The following PFKP variants were observed in gnomAD, a reference collection of about 807,000 sequenced individuals.
PFKP encodes the protein ATP-dependent 6-phosphofructokinase, platelet type.
A neutral mutation model predicts 94.3 loss-of-function variants in PFKP; 101 were observed. The ratio of observed to expected loss-of-function variants is 1.07; its 90% CI spans 0.91 to 1.26. PFKP has a LOEUF of 1.26. Ranked by LOEUF, PFKP falls within the 50% of genes most tolerant of loss-of-function variation. The pLI, the probability that PFKP is intolerant of heterozygous loss-of-function variation, is 0.00. For missense variants in PFKP, 1,145 were observed against 1,103.3 expected, an observed-to-expected ratio of 1.04 and a Z score of -0.53; for synonymous variants, 573 against 432.6, an observed-to-expected ratio of 1.32 and a Z score of -4.03.
chr10:3,080,850 A>T (rs1158018193), intron 1 of PFKP, among the ~76,000 whole-genome samples: 2 of 152,176 alleles, frequency 1.3e-5, no homozygotes, highest in African/African-American at 4.8e-5. Flanking sequence ...TGTTGGTTGT[A>T]TGGGCAGGAG....
Position 3,136,683 on chromosome 10 carries a change from C to T in PFKP, c.*104C>T, listed in dbSNP as rs1839411056. On this transcript the variant is annotated 3_prime_UTR_variant, in exon 22 of 22. Transcript: ENST00000381125. ...TATGCACGTATTATTGACATTAATA[C>T]CTAATCGGCGAGTGCCCATCTGCCC... is the stretch of plus-strand genomic sequence containing the variant. 6 of 1,294,616 alleles carry T rather than the reference C, an allele frequency of 4.6e-6. No individual in the cohort carries two copies. The highest frequency in any genetic ancestry group is 2.8e-5 in the South Asian group (2 of 71,914). The allele number at this position is 1,294,616 out of a possible 1,614,324, so 80.2% of individuals were successfully genotyped here.
rs370569634 is a variant in PFKP, at chr10:3,103,964, C to T, written c.620+20C>T. On this transcript the variant is annotated intron_variant, in intron 5 of 21. Coordinates refer to ENST00000381125, the MANE Select transcript of PFKP (RefSeq NM_002627.5). ...CCAGAGGTAAAGCGCTCAGAGGAACCGGCGGGAGGCCAGTGGGGCCCGACG... is the reference window on the plus strand; with the variant it reads ...CCAGAGGTAAAGCGCTCAGAGGAACTGGCGGGAGGCCAGTGGGGCCCGACG... The T allele has an allele frequency of 9.3e-5, 150 of 1,609,320 alleles. No homozygotes were observed. Among genetic ancestry groups the T allele is most frequent in the Middle Eastern group, 6.6e-4 (4 of 6,080 alleles).
Position 3,098,613 on chromosome 10 carries a change from C to T in PFKP, c.187-662C>T, listed in dbSNP as rs1183859113. Among the ~76,000 whole-genome samples the T allele has an allele frequency of 2.8e-5, 4 of 143,848 alleles. No homozygotes were observed. In the Admixed American group the frequency reaches 2.9e-4, roughly 11 times the overall value. The allele number at this position is 143,848 out of a possible 152,430, so 94.4% of individuals were successfully genotyped here. On this transcript the variant is annotated intron_variant, in intron 2 of 21. Transcript: ENST00000381125. ...TCACTTCAACCCGGGAGGCAGGTTG[C>T]AGTGAGCCGAGATCGCGCCACTGCA...
chr10:3,119,767 T>TTTC, intron 15 of PFKP, 125 bp from the exon 16 acceptor site: 1 of 545,324 alleles, frequency 1.8e-6, no homozygotes, highest in Non-Finnish European at 2.9e-6. Context: ...TCTCGGAGTG[T>TTTC]TTTCGTGATG....
At chr10:3,076,745 G>A (rs79634637) in intron 1 of PFKP, among the ~76,000 whole-genome samples, 5,901 of 152,244 alleles carry the variant, frequency 0.039, 178 homozygotes, top group South Asian at 0.062. Flanking sequence ...GGGCACCCGA[G>A]CTGGACAGTG....
chr10:3,095,152 A>G (rs1158431749), intron 2 of PFKP, among the ~76,000 whole-genome samples: 1 of 126,574 alleles, frequency 7.9e-6, no homozygotes. Flanking sequence ...GAAAAAGCCT[A>G]CTGCTGCAAC....
chr10:3,082,880 T>C (rs1430806186), intron 2 of PFKP, among the ~76,000 whole-genome samples: 1 of 151,988 alleles, frequency 6.6e-6, no homozygotes, highest in African/African-American at 2.4e-5. Flanking sequence ...CCCAGCTAAT[T>C]TTTTGTATTT....
At chr10:3,090,947 T>A (rs1373572177) in intron 2 of PFKP, among the ~76,000 whole-genome samples, 1 of 152,164 alleles carries the variant, frequency 6.6e-6, no homozygotes, top group African/African-American at 2.4e-5. Flanking sequence ...TTAAACAGGT[T>A]ACTATTAATT....
intron 4 of PFKP, among the ~76,000 whole-genome samples, chr10:3,102,237 C>A (rs1376808759): frequency 1.2e-3 from 91 of 77,120 alleles, no homozygotes; most frequent in African/African-American, 3.2e-3. Context: ...GGCGACAGAG[C>A]GAGACTCTGT....
intron 5 of PFKP, among the ~76,000 whole-genome samples, chr10:3,104,204 T>C (rs1292062032): frequency 2.0e-5 from 3 of 152,256 alleles, no homozygotes; most frequent in Non-Finnish European, 4.4e-5. Flanking sequence ...AATTATCCTC[T>C]AAATGTCCTA....
rs147250787 is a variant in PFKP, at chr10:3,082,588, G to T, written c.186+127G>T. 1,107 of 539,122 alleles carry T rather than the reference G, an allele frequency of 2.1e-3. 14 individuals are homozygous for T. Among genetic ancestry groups the T allele is most frequent in the African/African-American group, 0.018 (930 of 51,804 alleles). 33.4% of individuals were successfully genotyped at this position (539,122 alleles called of 1,614,324 possible). On this transcript the variant is annotated intron_variant, in intron 2 of 21. Coordinates refer to ENST00000381125, the MANE Select transcript of PFKP (RefSeq NM_002627.5). ...GCCGAAGAGGTGGGCAGGGGAGCAAGATCCTGCCAGCCAGGGCCGTTCCTC... is the reference window on the plus strand; with the variant it reads ...GCCGAAGAGGTGGGCAGGGGAGCAATATCCTGCCAGCCAGGGCCGTTCCTC...
At position 3,103,813 on chromosome 10, in the gene PFKP, C is replaced by A. The variant is rs1267466105; in HGVS notation, c.489C>A (p.Ala163=). The change falls in exon 5 of 22, where the codon GCC becomes GCA. Residue 163 remains alanine (A), a synonymous_variant. Transcript: ENST00000381125. ...QIDKEAVQKY[A]YLNVVGMVGS... ...ATAAGGAGGCCGTGCAGAAGTACGC[C>A]TACCTCAACGTGGTGGGCATGGTGG... 6 of 1,614,016 alleles carry A rather than the reference C, an allele frequency of 3.7e-6. No homozygotes were observed. In the East Asian group the frequency reaches 1.1e-4, roughly 30 times the overall value.
At chr10:3,120,166 C>T (rs1418264312) in intron 16 of PFKP, 122 bp downstream of exon 16, 21 of 793,434 alleles carry the variant, frequency 2.6e-5, no homozygotes, top group Non-Finnish European at 3.4e-5. Flanking sequence ...GAGAGCTTCT[C>T]GTTCTTTTTT....
chr10:3,069,848 AG>A (rs2131366137), intron 1 of PFKP, among the ~76,000 whole-genome samples: 1 of 152,396 alleles, frequency 6.6e-6, no homozygotes, highest in South Asian at 2.1e-4. Flanking sequence ...ATGTGAGATT[AG>A]GATACATTGG....
chr10:3,080,331 C>T (rs1302558420), intron 1 of PFKP, among the ~76,000 whole-genome samples: 5 of 152,066 alleles, frequency 3.3e-5, no homozygotes, highest in East Asian at 1.9e-4. Context: ...TCCTGGCTAA[C>T]ACGGTGAAAC....
In PFKP at chr10:3,136,549, G is replaced by A. The variant is rs1204431720; in HGVS notation, c.2325G>A (p.Gln775=). The part of the protein sequence containing the change: ...KASYDVSDSG[Q]LEHVQPWSV ...GCTATGACGTGTCGGACTCAGGCCA[G>A]CTGGAACATGTGCAGCCCTGGAGTG... Residue 775 remains glutamine, a synonymous_variant, in exon 22 of 22, where the codon CAG becomes CAA. Coordinates refer to ENST00000381125, the MANE Select transcript of PFKP (RefSeq NM_002627.5). The A allele has an allele frequency of 6.2e-7, 1 of 1,613,704 alleles. No homozygotes were observed. Among genetic ancestry groups the A allele is most frequent in the South Asian group, 1.1e-5 (1 of 91,008 alleles).
At chr10:3,134,798 T>C (rs1839035081) in intron 20 of PFKP, among the ~76,000 whole-genome samples, 4 of 152,282 alleles carry the variant, frequency 2.6e-5, no homozygotes, top group Admixed American at 2.6e-4. Flanking sequence ...TGTTCTCTTT[T>C]ATCACTGCTA....
chr10:3,076,439 A>C (rs11251697), intron 1 of PFKP, among the ~76,000 whole-genome samples: 60,007 of 151,522 alleles, frequency 0.4, 12,064 homozygotes, highest in Middle Eastern at 0.62. Flanking sequence ...ATTTGGCTAA[A>C]CTCCCTCAAC....
chr10:3,116,341 C>T lies in PFKP; in HGVS notation c.1372-435C>T, dbSNP rs116928009. Among the ~76,000 whole-genome samples the T allele has an allele frequency of 3.6e-4, 55 of 152,352 alleles. No homozygotes were observed. In the East Asian group the frequency reaches 9.2e-3, roughly 26 times the overall value. On this transcript the variant is annotated intron_variant, in intron 13 of 21. Transcript: ENST00000381125. ...TCTCCTCCTGCAGTCCTGCCGTCCT[C>T]GCAGTGGCATCCTCTTTCTGCGATT...
Sources: gnomAD v4.1 joint callset for allele counts (sites outside exome capture counted in the v4.1 genomes callset) on GRCh38, gnomAD v4.1.1 for gene constraint, MANE v1.5 for transcripts, NCBI Gene and HGNC (gene_info 2026-07-23, HGNC 2026-07-21) for gene names.